PGGHG: variants seen among roughly 807,000 people sequenced by gnomAD.
The protein encoded by PGGHG is ATH1, acid trehalase-like 1.
Under a neutral mutation model 74.5 loss-of-function variants are expected in PGGHG, and 67 were observed. That is an observed-to-expected ratio of 0.90 (90% CI 0.74 to 1.10). PGGHG has a LOEUF of 1.10. Ranked by LOEUF, PGGHG falls within the 50% of genes least tolerant of loss-of-function variation. The pLI is 0.00. For synonymous variants in PGGHG, 496 were observed against 419.9 expected (o/e 1.18, Z -2.21); for missense variants, 1,034 against 981.5 (o/e 1.05, Z -0.72).
At position 289,522 on chromosome 11, in the gene PGGHG, A is replaced by C; in HGVS notation, c.-13-282A>C. The C allele has an allele frequency of 2.5e-6, 1 of 406,600 alleles. No homozygotes were observed. The highest frequency in any genetic ancestry group is 4.2e-5 in the Admixed American group (1 of 24,038). The allele number at this position is 406,600 out of a possible 1,614,324, so 25.2% of individuals were successfully genotyped here. A position where few individuals can be genotyped will look rare whatever the true frequency, so the allele number is the denominator to read the frequency against. ...CCGGGGTTGTGGGGGGTGCGTTTGG[A>C]AAGCAGGGTTAGGACTGGAATTCTA... On this transcript the variant is annotated intron_variant, in intron 1 of 13. Coordinates refer to ENST00000409548, the MANE Select transcript of PGGHG (RefSeq NM_025092.5). This position sits in a 1 kb window ranked among gnomAD's most constrained non-coding sequence, Gnocchi z 5.6.
intron 7 of PGGHG, 77 bp downstream of exon 7, chr11:293,074 C>G: frequency 6.2e-7 from 1 of 1,613,870 alleles, no homozygotes; most frequent in Non-Finnish European, 8.5e-7. Flanking sequence ...TCAGACACCT[C>G]ACGTGTGCCA....
chr11:290,297 C>A, intron 2 of PGGHG, 93 bp from the exon 3 acceptor site: 1 of 1,410,716 alleles, frequency 7.1e-7, no homozygotes, highest in Non-Finnish European at 9.6e-7. Context: ...GGATCCGCCT[C>A]ATTGTGGGGA....
In PGGHG at chr11:295,102, G is replaced by C. The variant is rs1451029183; in HGVS notation, c.*353G>C. ...CACTCTCCTGAGAGCAGTGGTCACA[G>C]CGGCCGGCCGCTCTGCTGAGAAGGC... On this transcript the variant is annotated 3_prime_UTR_variant, in exon 14 of 14. Transcript: ENST00000409548. 1.0e-5 allele frequency: 2 copies of C among 198,500 alleles called. No homozygotes were observed. The highest frequency in any genetic ancestry group is 2.4e-4 in the East Asian group (2 of 8,464). The allele number at this position is 198,500 out of a possible 1,614,324, so 12.3% of individuals were successfully genotyped here.
At chr11:293,762 T>C (rs1464897713) in intron 10 of PGGHG, 35 bp downstream of exon 10, 2 of 1,613,342 alleles carry the variant, frequency 1.2e-6, no homozygotes, top group South Asian at 1.1e-5. Flanking sequence ...TCCTACCCCA[T>C]TGGCCTCAGT....
chr11:294,385 G>T lies in PGGHG; in HGVS notation c.1927G>T (p.Val643Leu). The change falls in exon 13 of 14, where the codon GTG becomes TTG. Residue 643 changes from valine (V) to leucine (L), a missense_variant. By Grantham distance (32) the Val-to-Leu change is conservative. Transcript: ENST00000409548. ...CAACTTCTCTTTTTCCGAGGACTCC[G>T]TGACCGTGGAGGTCACAGCTCGAGC... Reference protein sequence around the residue: ...KLNFSFSEDSVTVEVTARAGP... With the variant: ...KLNFSFSEDSLTVEVTARAGP... 6.2e-7 allele frequency: 1 copy of T among 1,613,104 alleles called. No homozygotes were observed. The highest frequency in any genetic ancestry group is 8.5e-7 in the Non-Finnish European group (1 of 1,179,984).
Position 289,767 on chromosome 11 carries a change from A to T in PGGHG, c.-13-37A>T, listed in dbSNP as rs570670468. On this transcript the variant is annotated intron_variant, in intron 1 of 13. Transcript: ENST00000409548. This position sits in a 1 kb window ranked among gnomAD's most constrained non-coding sequence, Gnocchi z 5.6. ...ACGGTCTCAAGAGGGAGGCCCAGCC[A>T]GTCCCGCGGCCCCTGACACCCCATC... 155 of 1,519,508 alleles carry T rather than the reference A, an allele frequency of 1.0e-4. No individual in the cohort carries two copies. In the East Asian group the frequency reaches 3.4e-3, roughly 33 times the overall value. The allele number at this position is 1,519,508 out of a possible 1,614,324, so 94.1% of individuals were successfully genotyped here.
rs1845801489 is a variant in PGGHG at position 293,913 on chromosome 11, T to C, written c.1698T>C (p.Ala566=). 1 of 1,612,452 alleles carries C rather than the reference T, an allele frequency of 6.2e-7. No homozygotes were observed. Among genetic ancestry groups the C allele is most frequent in the South Asian group, 1.1e-5 (1 of 90,980 alleles). ...TGGACAGGAGCTTTGCCAACATGGCTGAACCCTTCAAGGTCAGCCTGGCCA... is the reference window on the plus strand; with the variant it reads ...TGGACAGGAGCTTTGCCAACATGGCCGAACCCTTCAAGGTCAGCCTGGCCA... ...GLLDRSFANM[A]EPFKVWTENA... is the part of the protein sequence containing the mutation. Residue 566 remains alanine (A), a synonymous_variant, in exon 11 of 14, where the codon GCT becomes GCC. Coordinates refer to ENST00000409548, the MANE Select transcript of PGGHG (RefSeq NM_025092.5).
Position 292,028 on chromosome 11 carries a change from C to G in PGGHG, c.959C>G (p.Ala320Gly), listed in dbSNP as rs1438574844. Residue 320 changes from alanine (A) to glycine (G), a missense_variant, in exon 5 of 14, where the codon GCC becomes GGC. By Grantham distance (60) the Ala-to-Gly change is moderately conservative. Coordinates refer to ENST00000409548, the MANE Select transcript of PGGHG (RefSeq NM_025092.5). ...ILMFHPEAAR[A>G]ILEYRIRTLD... ...ATGTTCCACCCAGAAGCCGCCAGGGCCATCCTGGAGTACCGCATCCGCACG... is the reference window on the plus strand; with the variant it reads ...ATGTTCCACCCAGAAGCCGCCAGGGGCATCCTGGAGTACCGCATCCGCACG... 6.2e-7 allele frequency: 1 copy of G among 1,607,270 alleles called. No homozygotes were observed. Among genetic ancestry groups the G allele is most frequent in the African/African-American group, 1.3e-5 (1 of 74,942 alleles).
rs1336704094 is a variant in PGGHG, at chr11:289,513, T to C, written c.-14+274T>C. Reference sequence around the variant, plus strand: ...GGGGCAAGACCGGGGTTGTGGGGGGTGCGTTTGGAAAGCAGGGTTAGGACT... The same window carrying C: ...GGGGCAAGACCGGGGTTGTGGGGGGCGCGTTTGGAAAGCAGGGTTAGGACT... On this transcript the variant is annotated intron_variant, in intron 1 of 13. Transcript: ENST00000409548. The surrounding 1 kb of genome is among the most constrained non-coding windows in gnomAD (Gnocchi z 5.6). 2.1e-5 allele frequency: 7 copies of C among 340,980 alleles called. No homozygotes were observed. The highest frequency in any genetic ancestry group is 4.8e-5 in the South Asian group (1 of 20,964). 21.1% of individuals were successfully genotyped at this position (340,980 alleles called of 1,614,324 possible).
rs760412645 is a variant in PGGHG, at chr11:293,832, C to A, written c.1617C>A (p.Ser539Arg). 2 of 1,613,738 alleles carry A rather than the reference C, an allele frequency of 1.2e-6. No homozygotes were observed. Among genetic ancestry groups the A allele is most frequent in the South Asian group, 2.2e-5 (2 of 91,088 alleles). ...TSPQGPAMTWSMFAVGWMELK... is the reference protein window; with the variant it reads ...TSPQGPAMTWRMFAVGWMELK... ...TGTCCTCTTACCTCTGACCCCAGAGCATGTTTGCTGTGGGCTGGATGGAGC... is the reference window on the plus strand; with the variant it reads ...TGTCCTCTTACCTCTGACCCCAGAGAATGTTTGCTGTGGGCTGGATGGAGC... Residue 539 changes from serine (S) to arginine (R), a missense_variant and splice_region_variant, in exon 11 of 14, where the codon AGC becomes AGA. By Grantham distance (110) the Ser-to-Arg change is moderately radical (BLOSUM62 -1). Coordinates refer to ENST00000409548, the MANE Select transcript of PGGHG (RefSeq NM_025092.5).
Position 289,761 on chromosome 11 carries a change from CCAGCCAGTCCCG to C in PGGHG, c.-13-41_-13-30del. On this transcript the variant is annotated intron_variant, in intron 1 of 13. Coordinates refer to ENST00000409548, the MANE Select transcript of PGGHG (RefSeq NM_025092.5). This position sits in a 1 kb window ranked among gnomAD's most constrained non-coding sequence, Gnocchi z 5.6. ...TTACAGACGGTCTCAAGAGGGAGGC[CCAGCCAGTCCCG>C]CGGCCCCTGACACCCCATCAGGCCG... The C allele has an allele frequency of 1.3e-6, 2 of 1,512,670 alleles. No individual in the cohort carries two copies. The highest frequency in any genetic ancestry group is 2.6e-5 in the South Asian group (2 of 78,264). The allele number at this position is 1,512,670 out of a possible 1,614,324, so 93.7% of individuals were successfully genotyped here. A position where few individuals can be genotyped will look rare whatever the true frequency, so the allele number is the denominator to read the frequency against.
intron 9 of PGGHG, 37 bp from the exon 10 acceptor site, chr11:293,557 C>A: frequency 6.2e-7 from 1 of 1,613,012 alleles, no homozygotes; most frequent in African/African-American, 1.3e-5. Context: ...TCGAGTCTGT[C>A]CTGGAACACC....
Position 289,591 on chromosome 11 carries a change from C to A in PGGHG, c.-13-213C>A. On this transcript the variant is annotated intron_variant, in intron 1 of 13. Coordinates refer to ENST00000409548, the MANE Select transcript of PGGHG (RefSeq NM_025092.5). This position sits in a 1 kb window ranked among gnomAD's most constrained non-coding sequence, Gnocchi z 5.6. ...ACACACTCAGGGGCTCAGCTGGGTT[C>A]CTGGAGATCAACCTTTGGGGTCTGA... 1.7e-6 allele frequency: 1 copy of A among 603,356 alleles called. No homozygotes were observed. The allele number at this position is 603,356 out of a possible 1,614,324, so 37.4% of individuals were successfully genotyped here.
At chr11:292,741 C>G in intron 6 of PGGHG, 64 bp downstream of exon 6, 4 of 1,610,082 alleles carry the variant, frequency 2.5e-6, no homozygotes, top group Middle Eastern at 1.7e-4. Flanking sequence ...GCCCCCACTC[C>G]TCGTGGCTTC....
chr11:292,148 C>A, intron 5 of PGGHG, 53 bp downstream of exon 5: 1 of 1,487,438 alleles, frequency 6.7e-7, no homozygotes, highest in South Asian at 1.3e-5. Flanking sequence ...CTGCAGCCCC[C>A]ACACCCCTCC....
intron 3 of PGGHG, 28 bp downstream of exon 3, chr11:290,628 G>A (rs1349173948): frequency 1.8e-5 from 29 of 1,600,566 alleles, no homozygotes; most frequent in Non-Finnish European, 2.4e-5. Flanking sequence ...TTTGCAGCCA[G>A]GGAGTCCAGG....
chr11:292,879 TCC>T lies in PGGHG; in HGVS notation c.1159-4_1159-3del. ...CCCTGGCCTCTGTGCCTCCTCCTGC[TCC>T]CCAGGACCTGCAGCTATTTCGAGAG... On this transcript the variant is annotated splice_polypyrimidine_tract_variant and splice_region_variant and intron_variant, in intron 6 of 13. Coordinates refer to ENST00000409548, the MANE Select transcript of PGGHG (RefSeq NM_025092.5). 6.2e-7 allele frequency: 1 copy of T among 1,613,902 alleles called. No homozygotes were observed. Among genetic ancestry groups the T allele is most frequent in the Non-Finnish European group, 8.5e-7 (1 of 1,179,966 alleles).
chr11:293,877 C>T lies in PGGHG; in HGVS notation c.1662C>T (p.Ala554=), dbSNP rs267602840. 2 of 1,613,494 alleles carry T rather than the reference C, an allele frequency of 1.2e-6. No individual in the cohort carries two copies. Among genetic ancestry groups the T allele is most frequent in the East Asian group, 2.2e-5 (1 of 44,890 alleles). The change falls in exon 11 of 14, where the codon GCC becomes GCT. Residue 554 remains alanine (A), a synonymous_variant. Coordinates refer to ENST00000409548, the MANE Select transcript of PGGHG (RefSeq NM_025092.5). ...GWMELKDAVR[A]RGLLDRSFAN... ...TGGAGCTGAAGGACGCAGTGCGGGCCCGGGGCCTCCTGGACAGGAGCTTTG... is the reference window on the plus strand; with the variant it reads ...TGGAGCTGAAGGACGCAGTGCGGGCTCGGGGCCTCCTGGACAGGAGCTTTG...
chr11:292,887 A>T lies in PGGHG; in HGVS notation c.1160A>T (p.Asp387Val), dbSNP rs142215595. The T allele has an allele frequency of 6.2e-7, 1 of 1,613,992 alleles. No individual in the cohort carries two copies. The highest frequency in any genetic ancestry group is 2.2e-5 in the East Asian group (1 of 44,876). ...AFELYYHTTQ[D>V]LQLFREAGGW... ...TCTGTGCCTCCTCCTGCTCCCCAGG[A>T]CCTGCAGCTATTTCGAGAGGCTGGT... The change falls in exon 7 of 14, where the codon GAC (aspartate) becomes GTC (valine). Residue 387 changes from aspartate (D) to valine (V), a missense_variant and splice_region_variant. Coordinates refer to ENST00000409548, the MANE Select transcript of PGGHG (RefSeq NM_025092.5).
Sources: allele counts gnomAD v4.1 joint callset, GRCh38; gene constraint gnomAD v4.1.1; non-coding constraint Gnocchi (gnomAD v3.1); transcripts MANE v1.5; gene names NCBI Gene and HGNC (gene_info 2026-07-23, HGNC 2026-07-21).